Variants in PALLD observed in about 807,000 individuals in gnomAD.
PALLD encodes the protein palladin, cytoskeletal associated protein.
Under a neutral mutation model 123.5 loss-of-function variants are expected in PALLD, and 61 were observed. The observed-to-expected ratio is 0.49, with a 90% confidence interval of 0.40 to 0.61. The LOEUF is 0.61. Ranked by LOEUF, PALLD falls within the 20% of genes least tolerant of loss-of-function variation. PALLD has a pLI of 0.00. For missense variants in PALLD, 1,273 were observed against 1,377.0 expected (o/e 0.92, Z 1.20); for synonymous variants, 465 against 496.4 (o/e 0.94, Z 0.84).
intron 10 of PALLD, among the ~76,000 whole-genome samples, chr4:168,860,464 C>T (rs1350735868): frequency 6.6e-6 from 1 of 152,208 alleles, no homozygotes; most frequent in East Asian, 1.9e-4. Flanking sequence ...TCTTCTTGCT[C>T]ACTCCAATAG....
intron 10 of PALLD, among the ~76,000 whole-genome samples, chr4:168,836,548 T>C (rs1202380915): frequency 1.3e-5 from 2 of 152,216 alleles, no homozygotes; most frequent in Admixed American, 6.5e-5. Flanking sequence ...CTTTGTTGAA[T>C]AGTTATTGCT....
chr4:168,760,506 G>C (rs1358418454), intron 10 of PALLD, among the ~76,000 whole-genome samples: 3 of 152,110 alleles, frequency 2.0e-5, no homozygotes, highest in Non-Finnish European at 4.4e-5. Context: ...TTTCTCGTGA[G>C]TTACAAGGGA....
At chr4:168,754,616 T>C (rs1731520526) in intron 10 of PALLD, among the ~76,000 whole-genome samples, 1 of 152,152 alleles carries the variant, frequency 6.6e-6, no homozygotes. Flanking sequence ...AGAAAAACAA[T>C]TGTGTGATTT....
At chr4:168,590,096 G>T (rs891954313) in intron 2 of PALLD, among the ~76,000 whole-genome samples, 13 of 152,242 alleles carry the variant, frequency 8.5e-5, no homozygotes, top group Admixed American at 6.5e-4. Context: ...CCAGTACTTT[G>T]GGAGGCCAAG....
chr4:168,852,734 T>C (rs1050225941), intron 10 of PALLD, among the ~76,000 whole-genome samples: 1 of 152,256 alleles, frequency 6.6e-6, no homozygotes, highest in Admixed American at 6.5e-5. Flanking sequence ...CAAGAGGTAT[T>C]ATTTGCCTTA....
chr4:168,711,485 A>G (rs1163730639), intron 9 of PALLD, 96 bp from the exon 10 acceptor site: 1 of 918,888 alleles, frequency 1.1e-6, no homozygotes, highest in African/African-American at 1.6e-5. Context: ...ACAACTTCAC[A>G]CAACACAGGG....
chr4:168,816,413 A>ATATATATAT (rs34003798), intron 10 of PALLD, among the ~76,000 whole-genome samples: 2 of 136,002 alleles, frequency 1.5e-5, no homozygotes, highest in African/African-American at 6.0e-5. Context: ...ATATATATAT[A>ATATATATAT]TTTTTTTTAA....
intron 2 of PALLD, among the ~76,000 whole-genome samples, chr4:168,574,595 A>G (rs906789580): frequency 6.6e-6 from 1 of 152,148 alleles, no homozygotes; most frequent in Non-Finnish European, 1.5e-5. Flanking sequence ...TTGAATTTTT[A>G]GTATCCAATA....
chr4:168,888,910 T>G (rs1384762881), intron 10 of PALLD, among the ~76,000 whole-genome samples: 1 of 152,064 alleles, frequency 6.6e-6, no homozygotes, highest in African/African-American at 2.4e-5. Context: ...CAGGAGTGCA[T>G]GGCATCATGA....
At chr4:168,860,615 G>C (rs946018657) in intron 10 of PALLD, among the ~76,000 whole-genome samples, 1 of 152,194 alleles carries the variant, frequency 6.6e-6, no homozygotes, top group African/African-American at 2.4e-5. Flanking sequence ...TTGAAGTCAG[G>C]AGTTTGAGGC....
At chr4:168,548,032 GCAAACAAACAAACAAA>G (rs138888428) in intron 2 of PALLD, among the ~76,000 whole-genome samples, 1 of 150,894 alleles carries the variant, frequency 6.6e-6, no homozygotes, top group African/African-American at 2.4e-5. Context: ...GCAACAAAGA[GCAAACAAACAAACAAA>G]CAAACAAACA....
At chr4:168,763,835 C>T (rs976219275) in intron 10 of PALLD, among the ~76,000 whole-genome samples, 5 of 152,120 alleles carry the variant, frequency 3.3e-5, no homozygotes, top group South Asian at 4.2e-4. Context: ...CAGGAGTGAC[C>T]AGGCCTCCCA....
chr4:168,783,395 CAGGAGG>C (rs1250165330), intron 10 of PALLD, among the ~76,000 whole-genome samples: 7 of 152,038 alleles, frequency 4.6e-5, no homozygotes, highest in African/African-American at 1.7e-4. Context: ...GTTTGGTCTT[CAGGAGG>C]AGGGGTGGAT....
rs778911643 is a variant in PALLD, at chr4:168,668,332, G to A, written c.1051G>A (p.Gly351Ser). The change falls in exon 3 of 22, where the codon GGC (glycine) becomes AGC (serine). Residue 351 changes from glycine (G) to serine (S), a missense_variant. By Grantham distance (56) the Gly-to-Ser change is moderately conservative (BLOSUM62 0). Transcript: ENST00000505667. Reference protein sequence around the residue: ...RYTCLATNPSGSDTTSAEVFI... With the variant: ...RYTCLATNPSSSDTTSAEVFI... ...CACCTGTTTGGCTACGAATCCCAGCGGCTCAGACACAACATCTGCTGAGGT... is the reference window on the plus strand; with the variant it reads ...CACCTGTTTGGCTACGAATCCCAGCAGCTCAGACACAACATCTGCTGAGGT... 22 of 1,612,218 alleles carry A rather than the reference G, an allele frequency of 1.4e-5. No homozygotes were observed. The highest frequency in any genetic ancestry group is 2.7e-5 in the African/African-American group (2 of 74,890).
intron 10 of PALLD, among the ~76,000 whole-genome samples, chr4:168,749,081 C>T (rs901047475): frequency 3.9e-5 from 6 of 152,148 alleles, no homozygotes; most frequent in Non-Finnish European, 8.8e-5. Flanking sequence ...TCCCTTATGG[C>T]TTAGTGCTGT....
chr4:168,712,151 A>G (rs1784892536), intron 10 of PALLD: 3 of 586,176 alleles, frequency 5.1e-6, no homozygotes, highest in Admixed American at 2.9e-5. Flanking sequence ...ATAACTGGTT[A>G]TGGCTGTGAA....
At chr4:168,664,418 A>G (rs1239639727) in intron 2 of PALLD, among the ~76,000 whole-genome samples, 2 of 152,250 alleles carry the variant, frequency 1.3e-5, no homozygotes, top group Non-Finnish European at 2.9e-5. Context: ...GAAATGGCTC[A>G]TTATGTAATA....
chr4:168,921,470 T>C (rs1037848569), intron 17 of PALLD, 64 bp from the exon 18 acceptor site: 3 of 1,130,520 alleles, frequency 2.7e-6, no homozygotes, highest in Admixed American at 2.0e-5. Context: ...GCAGACTTCT[T>C]AGCTACCAGT....
At chr4:168,686,755 T>C (rs1459998282) in intron 6 of PALLD, 1 of 152,236 alleles carries the variant, frequency 6.6e-6, no homozygotes, top group Non-Finnish European at 1.5e-5. Flanking sequence ...ATATGGAATT[T>C]AGCAACCTGA....
Sources: allele counts gnomAD v4.1 joint callset (sites outside exome capture counted in the v4.1 genomes callset), GRCh38; gene constraint gnomAD v4.1.1; transcripts MANE v1.5; gene names NCBI Gene and HGNC (gene_info 2026-07-23, HGNC 2026-07-21).